RUNX3: variants seen among roughly 807,000 people sequenced by gnomAD.
RUNX3 encodes RUNX family transcription factor 3.
Under a neutral mutation model 27.7 loss-of-function variants are expected in RUNX3, and 10 were observed. The ratio of observed to expected loss-of-function variants is 0.36; its 90% CI spans 0.22 to 0.61. RUNX3 has a LOEUF of 0.61. Among genes scored for constraint, RUNX3 ranks in the 20% least tolerant of loss-of-function variants. The pLI is 0.72. For synonymous variants in RUNX3, 270 were observed against 269.2 expected, an observed-to-expected ratio of 1.00 and a Z score of -0.03; for missense variants, 469 against 629.5, an observed-to-expected ratio of 0.75 and a Z score of 2.73.
rs564419971 is a variant in RUNX3 at position 24,919,401 on chromosome 1, C to T, written c.440-57G>A. 1.0e-4 allele frequency: 116 copies of T among 1,151,090 alleles called. No homozygotes were observed. The East Asian group carries it at 2.3e-3, about 23-fold the overall frequency. 71.3% of individuals were successfully genotyped at this position (1,151,090 alleles called of 1,614,324 possible). On this transcript the variant is annotated intron_variant, in intron 2 of 4. Transcript: ENST00000308873. ...TGGCACCTGGAGCTTCCACAATACCCTGCTCTCCCACCTGTATCTACCCCT... is the reference window on the plus strand; with the variant it reads ...TGGCACCTGGAGCTTCCACAATACCTTGCTCTCCCACCTGTATCTACCCCT...
intron 2 of RUNX3, among the ~76,000 whole-genome samples, chr1:24,948,931 G>A (rs1022298055): frequency 7.9e-5 from 12 of 151,834 alleles, no homozygotes; most frequent in African/African-American, 2.2e-4. Context: ...CACATTAATC[G>A]AACCCACCTC....
chr1:24,907,090 G>A lies in RUNX3; in HGVS notation c.703+169C>T, dbSNP rs527767080. 5.3e-5 allele frequency among the ~76,000 whole-genome samples: 8 copies of A among 152,342 alleles called. No homozygotes were observed. In the East Asian group the frequency reaches 1.5e-3, roughly 29 times the overall value. ...ACGAATGATGGCTAGCACACAGAAAGCCCACAGGAACCGTCTGCAGGTGCC... is the reference window on the plus strand; with the variant it reads ...ACGAATGATGGCTAGCACACAGAAAACCCACAGGAACCGTCTGCAGGTGCC... On this transcript the variant is annotated intron_variant, in intron 4 of 4. Transcript: ENST00000308873.
intron 3 of RUNX3, among the ~76,000 whole-genome samples, chr1:24,918,473 C>T (rs553467606): frequency 1.3e-5 from 2 of 152,300 alleles, no homozygotes; most frequent in Admixed American, 1.3e-4. Context: ...GGTCACATTT[C>T]TGAGAAAGAG....
chr1:24,948,272 C>A (rs904846185), intron 2 of RUNX3, among the ~76,000 whole-genome samples: 3 of 152,188 alleles, frequency 2.0e-5, no homozygotes, highest in Admixed American at 2.0e-4. Context: ...GGCCCTTGGT[C>A]CCCCCAAAAG....
chr1:24,911,564 C>T (rs919022068), intron 3 of RUNX3, among the ~76,000 whole-genome samples: 1 of 152,358 alleles, frequency 6.6e-6, no homozygotes, highest in East Asian at 1.9e-4. Context: ...TCACCACCAT[C>T]ATGACCATCG....
chr1:24,911,366 G>T (rs2124263429), intron 3 of RUNX3, among the ~76,000 whole-genome samples: 1 of 152,358 alleles, frequency 6.6e-6, no homozygotes. Flanking sequence ...AGTTACTCCT[G>T]CGGCCTGGCG....
At chr1:24,919,735 A>T (rs1053482306) in intron 2 of RUNX3, among the ~76,000 whole-genome samples, 1 of 151,630 alleles carries the variant, frequency 6.6e-6, no homozygotes, top group African/African-American at 2.4e-5. Context: ...ACAAAATATA[A>T]ATAAAGAAGA....
chr1:24,954,847 A>G (rs1252909441), intron 2 of RUNX3, among the ~76,000 whole-genome samples: 1 of 152,146 alleles, frequency 6.6e-6, no homozygotes, highest in Non-Finnish European at 1.5e-5. Flanking sequence ...CCTACCCTCA[A>G]GGCCATGTCT....
chr1:24,951,919 A>G (rs1311552983), intron 2 of RUNX3, among the ~76,000 whole-genome samples: 1 of 152,194 alleles, frequency 6.6e-6, no homozygotes, highest in African/African-American at 2.4e-5. Flanking sequence ...TTAGTGAGCA[A>G]GATTATGCCA....
rs1640531510 is a variant in RUNX3 at position 24,901,017 on chromosome 1, G to GTTTTGTTT, written c.*1104_*1105insAAACAAAA. The GTTTTGTTT allele has an allele frequency of 3.2e-5, 4 of 124,908 alleles. No individual in the cohort carries two copies. Among genetic ancestry groups the GTTTTGTTT allele is most frequent in the African/African-American group, 9.1e-5 (3 of 32,794 alleles). The allele number at this position is 124,908 out of a possible 1,614,324, so 7.7% of individuals were successfully genotyped here. On this transcript the variant is annotated 3_prime_UTR_variant, in exon 5 of 5. Coordinates refer to ENST00000308873, the MANE Select transcript of RUNX3 (RefSeq NM_004350.3). ...TAAAATCAGTTTTAAAAACTGTTTT[G>GTTTTGTTT]TTTTTTTTTTGTTTTTTTGTTTTTT... is the stretch of plus-strand genomic sequence containing the variant.
At chr1:24,925,445 T>C (rs778979272) in intron 2 of RUNX3, among the ~76,000 whole-genome samples, 13 of 151,732 alleles carry the variant, frequency 8.6e-5, no homozygotes, top group Non-Finnish European at 1.6e-4. Context: ...CAGCTCTCAA[T>C]ATGCGCCAGC....
chr1:24,932,053 C>G (rs527396847), upstream of RUNX3, among the ~76,000 whole-genome samples: 1 of 152,320 alleles, frequency 6.6e-6, no homozygotes, highest in Non-Finnish European at 1.5e-5. Flanking sequence ...GGGCGGGCAA[C>G]ACGTGCTGCC....
chr1:24,929,224 G>T (rs1641161388), intron 1 of RUNX3: 1 of 524,968 alleles, frequency 1.9e-6, no homozygotes, highest in Non-Finnish European at 3.7e-6. Context: ...CCCACCCGCG[G>T]TGTCCTTGCC....
intron 3 of RUNX3, among the ~76,000 whole-genome samples, chr1:24,908,299 A>G (rs139640153): frequency 0.011 from 1,630 of 148,672 alleles, 37 homozygotes; most frequent in African/African-American, 0.029. Flanking sequence ...GTGGTGATCC[A>G]AACCTCTACG....
rs1051782581 is a variant in RUNX3, at chr1:24,903,047, G to T, written c.704-381C>A. 3.3e-5 allele frequency among the ~76,000 whole-genome samples: 5 copies of T among 152,336 alleles called. No homozygotes were observed. The East Asian group carries it at 9.7e-4, about 29-fold the overall frequency. On this transcript the variant is annotated intron_variant, in intron 4 of 4. Transcript: ENST00000308873. Reference sequence around the variant, plus strand: ...GCCTCCCAGCAGCCCTGCCCAGGCAGGTTCCTCTCCCCACCGGCCCATGTT... The same window carrying T: ...GCCTCCCAGCAGCCCTGCCCAGGCATGTTCCTCTCCCCACCGGCCCATGTT...
rs1640893160 is a variant in RUNX3, at chr1:24,916,566, C to T, written c.544+2674G>A. Among the ~76,000 whole-genome samples the T allele has an allele frequency of 6.6e-6, 1 of 152,148 alleles. No homozygotes were observed. The highest frequency in any genetic ancestry group is 2.4e-5 in the African/African-American group (1 of 41,436). On this transcript the variant is annotated intron_variant, in intron 3 of 4. Coordinates refer to ENST00000308873, the MANE Select transcript of RUNX3 (RefSeq NM_004350.3). The surrounding 1 kb of genome is among the most constrained non-coding windows in gnomAD (Gnocchi z 4.8). ...TGACCAGGAGCCGCTGAGCTGGTCCCTTCACTCTTACAGATGGGGACGCTG... is the reference window on the plus strand; with the variant it reads ...TGACCAGGAGCCGCTGAGCTGGTCCTTTCACTCTTACAGATGGGGACGCTG...
At chr1:24,913,448 A>G (rs1401070923) in intron 3 of RUNX3, among the ~76,000 whole-genome samples, 4 of 152,042 alleles carry the variant, frequency 2.6e-5, no homozygotes, top group Non-Finnish European at 4.4e-5. Flanking sequence ...TGGGGATCAC[A>G]CCTCTAACCC....
At chr1:24,917,430 ACGCTG>A (rs1372488676) in intron 3 of RUNX3, among the ~76,000 whole-genome samples, 1 of 152,024 alleles carries the variant, frequency 6.6e-6, no homozygotes, top group Admixed American at 6.6e-5. Flanking sequence ...GGACGACAAA[ACGCTG>A]CGGACCCAGT....
At chr1:24,955,224 A>G (rs1206571094) in intron 2 of RUNX3, among the ~76,000 whole-genome samples, 1 of 152,144 alleles carries the variant, frequency 6.6e-6, no homozygotes, top group Non-Finnish European at 1.5e-5. Context: ...GGTTGCATAG[A>G]GGAGGATATG....
Sources: gnomAD v4.1 joint callset for allele counts (sites outside exome capture counted in the v4.1 genomes callset) on GRCh38, gnomAD v4.1.1 for gene constraint, Gnocchi (gnomAD v3.1) non-coding constraint, MANE v1.5 for transcripts, NCBI Gene and HGNC (gene_info 2026-07-23, HGNC 2026-07-21) for gene names.